Variants in MYO6 observed in about 807,000 individuals in gnomAD.
MYO6 encodes unconventional myosin-VI.
Under a neutral mutation model 178.7 loss-of-function variants are expected in MYO6, and 74 were observed. The ratio of observed to expected loss-of-function variants is 0.41; its 90% confidence interval spans 0.34 to 0.50. The LOEUF (loss-of-function observed/expected upper bound fraction) is 0.50. Among genes scored for constraint, MYO6 ranks in the 20% least tolerant of loss-of-function variants. MYO6 has a pLI of 0.09. For missense variants in MYO6, 1,330 were observed against 1,547.4 expected, an observed-to-expected ratio of 0.86 and a Z score of 2.36; for synonymous variants, 477 against 504.6, an observed-to-expected ratio of 0.95 and a Z score of 0.73.
intron 1 of MYO6, among the ~76,000 whole-genome samples, chr6:75,814,033 C>T (rs372341437): frequency 5.3e-5 from 8 of 152,294 alleles, no homozygotes; most frequent in East Asian, 1.9e-4. Flanking sequence ...GTCACATGCT[C>T]CCCAAACCCG....
intron 1 of MYO6, among the ~76,000 whole-genome samples, chr6:75,778,034 T>C (rs982171696): frequency 1.3e-5 from 2 of 152,172 alleles, no homozygotes; most frequent in South Asian, 4.1e-4. Flanking sequence ...TTTTTTTTAA[T>C]TTAAAAATTG....
rs1219581332 is a variant in MYO6 at position 75,915,061 on chromosome 6, G to A, written c.*49G>A. The A allele has an allele frequency of 2.0e-6, 3 of 1,530,578 alleles. No homozygotes were observed. The highest frequency in any genetic ancestry group is 2.7e-6 in the Non-Finnish European group (3 of 1,120,162). 94.8% of individuals were successfully genotyped at this position (1,530,578 alleles called of 1,614,324 possible). A position where few individuals can be genotyped will look rare whatever the true frequency, so the allele number is the denominator to read the frequency against. On this transcript the variant is annotated 3_prime_UTR_variant, in exon 35 of 35. Transcript: ENST00000369977. ...TGGGAGCCTTTGCCATGGTACTTAG[G>A]TAGGGTGTGTGCCCCCAGATTTAAC...
At chr6:75,908,446 C>T (rs369403151) in intron 31 of MYO6, 50 bp from the exon 32 acceptor site, 92 of 1,566,984 alleles carry the variant, frequency 5.9e-5, no homozygotes, top group East Asian at 4.1e-4. Context: ...TTATGTTAGA[C>T]GAATAAATTA....
chr6:75,842,244 G>C (rs960302177), intron 9 of MYO6, among the ~76,000 whole-genome samples: 2 of 152,044 alleles, frequency 1.3e-5, no homozygotes, highest in Non-Finnish European at 2.9e-5. Flanking sequence ...CAAGCGAGTA[G>C]AGTTTCTAGG....
chr6:75,871,190 T>C (rs901475757), intron 19 of MYO6, among the ~76,000 whole-genome samples: 1 of 152,246 alleles, frequency 6.6e-6, no homozygotes, highest in Non-Finnish European at 1.5e-5. Flanking sequence ...GTGGTTTATA[T>C]AAATGAAGCA....
At chr6:75,914,356 G>T in intron 34 of MYO6, 75 bp downstream of exon 34, 1 of 1,376,116 alleles carries the variant, frequency 7.3e-7, no homozygotes, top group Non-Finnish European at 1.0e-6. Flanking sequence ...ACATTCTAAT[G>T]TATAATATAA....
intron 1 of MYO6, among the ~76,000 whole-genome samples, chr6:75,774,093 C>T (rs1240781815): frequency 1.3e-5 from 2 of 152,166 alleles, no homozygotes; most frequent in Non-Finnish European, 2.9e-5. Context: ...ACTGTAACAC[C>T]TTGCTATAGC....
In MYO6 at chr6:75,892,521, C is replaced by G. The variant is rs1454929849; in HGVS notation, c.2947-9C>G. ...AACTCTTGGTGAAATAGCTTTCTGC[C>G]CTTGTCAGGCTGAAGTGGAGGCACA... is the stretch of plus-strand genomic sequence containing the variant. On this transcript the variant is annotated splice_polypyrimidine_tract_variant and intron_variant, in intron 27 of 34. Coordinates refer to ENST00000369977, the MANE Select transcript of MYO6 (RefSeq NM_004999.4). 1.9e-6 allele frequency: 3 copies of G among 1,613,758 alleles called. No homozygotes were observed. The African/African-American group carries it at 4.0e-5, about 22-fold the overall frequency.
At chr6:75,792,038 C>T (rs1263262194) in intron 1 of MYO6, among the ~76,000 whole-genome samples, 1 of 152,170 alleles carries the variant, frequency 6.6e-6, no homozygotes, top group East Asian at 1.9e-4. Flanking sequence ...GGAGCCTTGT[C>T]CTAGTGCTCT....
At chr6:75,757,878 T>C (rs1777595470) in intron 1 of MYO6, among the ~76,000 whole-genome samples, 1 of 151,910 alleles carries the variant, frequency 6.6e-6, no homozygotes, top group African/African-American at 2.4e-5. Context: ...TTATTGTTGT[T>C]ACTGTGTTTT....
chr6:75,856,946 T>A, intron 12 of MYO6, 151 bp from the exon 13 acceptor site: 3 of 649,402 alleles, frequency 4.6e-6, no homozygotes, highest in Non-Finnish European at 7.8e-6. Flanking sequence ...AGCAGTTTTC[T>A]ACTTAGCCCC....
At chr6:75,812,857 C>T (rs995142303) in intron 1 of MYO6, among the ~76,000 whole-genome samples, 5 of 152,144 alleles carry the variant, frequency 3.3e-5, no homozygotes, top group Non-Finnish European at 5.9e-5. Context: ...TGTTCATGGG[C>T]ACTTGGGTTG....
chr6:75,856,298 A>G (rs1775711689), intron 12 of MYO6, among the ~76,000 whole-genome samples: 2 of 151,946 alleles, frequency 1.3e-5, no homozygotes, highest in African/African-American at 2.4e-5. Flanking sequence ...CCTTTTTTCA[A>G]TCAATGCCAT....
At chr6:75,855,052 T>C (rs1028013482) in intron 11 of MYO6, 87 bp from the exon 12 acceptor site, 1 of 1,211,406 alleles carries the variant, frequency 8.3e-7, no homozygotes, top group African/African-American at 1.5e-5. Flanking sequence ...TGGTTTTTTG[T>C]AAGTGAAGTA....
At chr6:75,752,664 T>A (rs1777002529) in intron 1 of MYO6, among the ~76,000 whole-genome samples, 1 of 152,240 alleles carries the variant, frequency 6.6e-6, no homozygotes, top group Non-Finnish European at 1.5e-5. Context: ...CAGGAGTAGA[T>A]ATGATAGGCC....
intron 1 of MYO6, chr6:75,768,172 T>A (rs1778598192): frequency 6.6e-6 from 1 of 152,218 alleles, no homozygotes; most frequent in Admixed American, 6.5e-5. Context: ...TCAGTGTTTT[T>A]ATGGGTGTAT....
chr6:75,879,340 G>T (rs975026043), intron 20 of MYO6, among the ~76,000 whole-genome samples: 1 of 151,904 alleles, frequency 6.6e-6, no homozygotes, highest in Non-Finnish European at 1.5e-5. Context: ...ACCTCCTTTG[G>T]CTCAGATGAT....
intron 20 of MYO6, among the ~76,000 whole-genome samples, chr6:75,876,065 G>A (rs968243752): frequency 6.6e-6 from 1 of 152,006 alleles, no homozygotes. Flanking sequence ...TCCCAGCACA[G>A]GACCTGTGCA....
At chr6:75,859,657 A>C (rs1583293159) in intron 14 of MYO6, among the ~76,000 whole-genome samples, 1 of 138,778 alleles carries the variant, frequency 7.2e-6, no homozygotes, top group African/African-American at 2.7e-5. Context: ...TGCCTTTGGC[A>C]TCTCCCACTC....
Sources: gnomAD v4.1 joint callset for allele counts (sites outside exome capture counted in the v4.1 genomes callset) on GRCh38, gnomAD v4.1.1 for gene constraint, MANE v1.5 for transcripts, NCBI Gene and HGNC (gene_info 2026-07-23, HGNC 2026-07-21) for gene names.